Variants in CAPN14 observed in about 807,000 individuals in gnomAD.
CAPN14 encodes calpain 14, also known as calpain-14.
CAPN14 carries 94 observed loss-of-function variants against 101.3 expected under a neutral mutation model. That is an observed-to-expected ratio of 0.93 (90% CI 0.79 to 1.10). The LOEUF is 1.10. Ranked by LOEUF, CAPN14 falls within the 50% of genes least tolerant of loss-of-function variation. The pLI is 0.00. For synonymous variants in CAPN14, 338 were observed against 317.9 expected, an observed-to-expected ratio of 1.06 and a Z score of -0.67; for missense variants, 837 against 828.4, an observed-to-expected ratio of 1.01 and a Z score of -0.13.
At chr2:31,183,301 A>G (rs1291240991) in intron 16 of CAPN14, among the ~76,000 whole-genome samples, 1 of 152,232 alleles carries the variant, frequency 6.6e-6, no homozygotes, top group African/African-American at 2.4e-5. Context: ...CTAAAACACC[A>G]AAAGCAATGG....
intron 1 of CAPN14, 34 bp from the exon 2 acceptor site, chr2:31,205,533 T>C (rs1409668056): frequency 2.7e-6 from 3 of 1,093,060 alleles, no homozygotes; most frequent in Non-Finnish European, 4.1e-6. Flanking sequence ...GTTTCCTCAC[T>C]TCCTCCTTGT....
intron 10 of CAPN14, 37 bp from the exon 11 acceptor site, chr2:31,192,135 G>C (rs749513276): frequency 1.1e-4 from 170 of 1,508,158 alleles, no homozygotes; most frequent in Middle Eastern, 3.5e-4. Context: ...ATGGGCCCCG[G>C]ATCCCCATGC....
chr2:31,186,464 G>T lies in CAPN14; in HGVS notation c.1609C>A (p.Gln537Lys), dbSNP rs1240868217. 6.5e-7 allele frequency: 1 copy of T among 1,549,298 alleles called. No individual in the cohort carries two copies. Among genetic ancestry groups the T allele is most frequent in the East Asian group, 2.5e-5 (1 of 40,716 alleles). Reference sequence around the variant, plus strand: ...ATCTGGTTCAGGAGGTTCTGAAGTTGAACTGCATTAATCTCTGGATGCTAA... The same window carrying T: ...ATCTGGTTCAGGAGGTTCTGAAGTTTAACTGCATTAATCTCTGGATGCTAA... ...FEKHPEINAVQLQNLLNQMTW... is the reference protein window; with the variant it reads ...FEKHPEINAVKLQNLLNQMTW... The change falls in exon 16 of 22, where the codon CAA becomes AAA. Residue 537 changes from glutamine (Q) to lysine (K), a missense_variant. By Grantham distance (53) the Gln-to-Lys change is moderately conservative. Transcript: ENST00000403897.
intron 5 of CAPN14, among the ~76,000 whole-genome samples, chr2:31,201,187 G>A (rs1351021059): frequency 7.5e-6 from 1 of 133,524 alleles, no homozygotes; most frequent in Non-Finnish European, 1.8e-5. Context: ...GTATGTGCAT[G>A]TGTGTGTGCA....
At chr2:31,178,436 G>A in intron 18 of CAPN14, 75 bp downstream of exon 18, 1 of 1,147,356 alleles carries the variant, frequency 8.7e-7, no homozygotes, top group Non-Finnish European at 1.3e-6. Context: ...GGGGACAGAA[G>A]TATCTTCTAC....
At chr2:31,219,799 C>G (rs1682806617), upstream of CAPN14, among the ~76,000 whole-genome samples, 1 of 152,196 alleles carries the variant, frequency 6.6e-6, no homozygotes, top group Admixed American at 6.5e-5. Flanking sequence ...ATGTGAAACA[C>G]AGTTGTGCTC....
At chr2:31,197,377 A>C (rs573076939) in intron 7 of CAPN14, 43 bp from the exon 8 acceptor site, 1 of 1,358,220 alleles carries the variant, frequency 7.4e-7, no homozygotes, top group East Asian at 2.5e-5. Flanking sequence ...GGCTGAGTGC[A>C]AACATTCCAG....
intron 17 of CAPN14, among the ~76,000 whole-genome samples, chr2:31,178,883 G>C (rs1172673597): frequency 1.3e-5 from 2 of 152,004 alleles, no homozygotes; most frequent in East Asian, 3.9e-4. Flanking sequence ...TTAATGCTAT[G>C]AAATGTTATC....
chr2:31,208,791 G>T (rs1199722879), intron 1 of CAPN14, among the ~76,000 whole-genome samples: 1 of 152,182 alleles, frequency 6.6e-6, no homozygotes, highest in African/African-American at 2.4e-5. Flanking sequence ...ACTATTGTAA[G>T]TGAGCAGCGT....
intron 1 of CAPN14, among the ~76,000 whole-genome samples, chr2:31,214,213 C>T (rs770152713): frequency 6.6e-6 from 1 of 152,162 alleles, no homozygotes; most frequent in Non-Finnish European, 1.5e-5. Flanking sequence ...ATGGATGTTT[C>T]TTCACTTGGA....
chr2:31,206,101 C>T (rs1222286298), intron 1 of CAPN14, among the ~76,000 whole-genome samples: 3 of 147,950 alleles, frequency 2.0e-5, no homozygotes, highest in East Asian at 4.1e-4. Flanking sequence ...GGCGCGATCT[C>T]GGCTCAATGC....
chr2:31,178,892 T>A (rs1385202395), intron 17 of CAPN14, among the ~76,000 whole-genome samples: 1 of 152,046 alleles, frequency 6.6e-6, no homozygotes, highest in East Asian at 1.9e-4. Flanking sequence ...TGAAATGTTA[T>A]CTTTGATTAT....
At chr2:31,201,300 T>C (rs1681768678) in intron 5 of CAPN14, among the ~76,000 whole-genome samples, 1 of 152,016 alleles carries the variant, frequency 6.6e-6, no homozygotes, top group African/African-American at 2.4e-5. Flanking sequence ...CCCTCTAGGG[T>C]CTGTAGGTAT....
intron 21 of CAPN14, 112 bp downstream of exon 21, chr2:31,176,475 A>G: frequency 1.3e-6 from 1 of 755,424 alleles, no homozygotes; most frequent in Non-Finnish European, 2.2e-6. Context: ...CTCAATTTCC[A>G]ATTCAGCAGA....
At chr2:31,210,531 C>A (rs1682344856) in intron 1 of CAPN14, among the ~76,000 whole-genome samples, 1 of 152,002 alleles carries the variant, frequency 6.6e-6, no homozygotes, top group Admixed American at 6.5e-5. Context: ...TTGTTCTAAT[C>A]ACTTTCAAGT....
At chr2:31,178,631 T>C in intron 17 of CAPN14, 52 bp from the exon 18 acceptor site, 1 of 1,248,168 alleles carries the variant, frequency 8.0e-7, no homozygotes, top group East Asian at 2.7e-5. Flanking sequence ...ATCCATGCTT[T>C]GGAGGCAGTG....
At chr2:31,199,136 G>T (rs1411852844) in intron 7 of CAPN14, among the ~76,000 whole-genome samples, 1 of 152,198 alleles carries the variant, frequency 6.6e-6, no homozygotes, top group Admixed American at 6.5e-5. Context: ...TGTCAGAGAG[G>T]AGTAGAAATT....
Position 31,181,507 on chromosome 2 carries a change from TTTC to T in CAPN14, c.1646-510_1646-508del, listed in dbSNP as rs1330055605. Reference sequence around the variant, plus strand: ...TCTCTCTCTCTCTTTCCTTTCTTTCTTTCTTTTTTTTATTTTTTTATTTTATTA... The same window carrying T: ...TCTCTCTCTCTCTTTCCTTTCTTTCTTTTTTTTTATTTTTTTATTTTATTA... On this transcript the variant is annotated intron_variant, in intron 16 of 21. Coordinates refer to ENST00000403897, the MANE Select transcript of CAPN14 (RefSeq NM_001145122.2). Among the ~76,000 whole-genome samples, 114 of 123,196 alleles carry T rather than the reference TTTC, an allele frequency of 9.3e-4. 1 individual carries two copies. Among genetic ancestry groups the T allele is most frequent in the African/African-American group, 3.6e-3 (90 of 25,098 alleles). 80.8% of individuals were successfully genotyped at this position (123,196 alleles called of 152,430 possible). A position where few individuals can be genotyped will look rare whatever the true frequency, so the allele number is the denominator to read the frequency against.
upstream of CAPN14, among the ~76,000 whole-genome samples, chr2:31,220,581 T>C (rs892543049): frequency 2.0e-5 from 3 of 152,132 alleles, no homozygotes; most frequent in Non-Finnish European, 4.4e-5. Flanking sequence ...TCCCAACACT[T>C]TGGGAGGCCG....
Sources: allele counts gnomAD v4.1 joint callset (sites outside exome capture counted in the v4.1 genomes callset), GRCh38; gene constraint gnomAD v4.1.1; transcripts MANE v1.5; gene names NCBI Gene and HGNC (gene_info 2026-07-23, HGNC 2026-07-21).